The following SPART variants were observed in gnomAD, a reference collection of about 807,000 sequenced individuals.
SPART encodes spartin.
SPART carries 35 observed loss-of-function variants against 58.7 expected under a neutral mutation model. The observed-to-expected ratio is 0.60, with a 90% confidence interval of 0.46 to 0.79. The LOEUF is 0.79. SPART is among the 30% of genes least tolerant of loss of function. The pLI, the probability that SPART is intolerant of heterozygous loss-of-function variation, is 0.00. For synonymous variants in SPART, 284 were observed against 280.7 expected, an observed-to-expected ratio of 1.01 and a Z score of -0.12; for missense variants, 730 against 786.1, an observed-to-expected ratio of 0.93 and a Z score of 0.85.
At chr13:36,336,837 C>T (rs9315411) in intron 1 of SPART, among the ~76,000 whole-genome samples, 3,987 of 152,256 alleles carry the variant, frequency 0.026, 88 homozygotes, top group South Asian at 0.053. Context: ...AAATTTTAAA[C>T]CTGATTGCCT....
intron 3 of SPART, among the ~76,000 whole-genome samples, chr13:36,329,973 A>G (rs1161885577): frequency 6.6e-6 from 1 of 152,238 alleles, no homozygotes; most frequent in African/African-American, 2.4e-5. Flanking sequence ...AATGCTTAAG[A>G]GTAAAAACCA....
chr13:36,327,785 C>T (rs1187304667), intron 4 of SPART, among the ~76,000 whole-genome samples: 2 of 152,056 alleles, frequency 1.3e-5, no homozygotes, highest in African/African-American at 4.8e-5. Flanking sequence ...GTCAGGAGTT[C>T]GAGATTAGCC....
intron 1 of SPART, among the ~76,000 whole-genome samples, chr13:36,356,189 G>A (rs1355775675): frequency 6.6e-6 from 1 of 152,182 alleles, no homozygotes; most frequent in East Asian, 1.9e-4. Flanking sequence ...CCCTAGTGGT[G>A]TTGACTCAAG....
intron 2 of SPART, among the ~76,000 whole-genome samples, chr13:36,333,466 CACATATGTTA>C (rs1193437030): frequency 7.3e-6 from 1 of 136,818 alleles, no homozygotes; most frequent in Admixed American, 7.9e-5. Context: ...ATTCAGTAAA[CACATATGTTA>C]ACTCCTTTTA....
chr13:36,334,941 T>C, intron 2 of SPART, 80 bp downstream of exon 2: 1 of 1,172,586 alleles, frequency 8.5e-7, no homozygotes, highest in East Asian at 2.3e-5. Context: ...GCACTTATAC[T>C]GGACACATAA....
At position 36,340,860 on chromosome 13, in the gene SPART, T is replaced by A. The variant is rs148312207; in HGVS notation, c.-2-5028A>T. On this transcript the variant is annotated intron_variant, in intron 1 of 8. Coordinates refer to ENST00000438666, the MANE Select transcript of SPART (RefSeq NM_015087.5). The stretch of plus-strand genomic sequence containing the variant: ...TAAGGATTAACTCTAGGGAAAATGA[T>A]GTTGAGCAAGAAATAAAAAGTAATC... Among the ~76,000 whole-genome samples the A allele has an allele frequency of 4.7e-4, 71 of 152,306 alleles. No individual in the cohort carries two copies. In the Middle Eastern group the frequency reaches 0.031, roughly 66 times the overall value.
At position 36,314,457 on chromosome 13, in the gene SPART, G is replaced by A. The variant is rs757638217; in HGVS notation, c.1289-36C>T. 31 of 1,585,212 alleles carry A rather than the reference G, an allele frequency of 2.0e-5. No individual in the cohort carries two copies. The African/African-American group carries it at 4.2e-4, about 21-fold the overall frequency. The stretch of plus-strand genomic sequence containing the variant: ...GAAAATTTAAAATTGCACAATATTA[G>A]GGCTAATTATGCTTTTGAACACTTT... On this transcript the variant is annotated intron_variant, in intron 5 of 8. Coordinates refer to ENST00000438666, the MANE Select transcript of SPART (RefSeq NM_015087.5).
At position 36,335,733 on chromosome 13, in the gene SPART, G is replaced by A. The variant is rs772490654; in HGVS notation, c.98C>T (p.Thr33Ile). ...TTCTTCCTTCTGACCTAATTCATCT[G>A]TATTCAGACCTTTGTTAACAAATAA... ...AFLFVNKGLN[T>I]DELGQKEEAK... The change falls in exon 2 of 9, where the codon ACA becomes ATA. Residue 33 changes from threonine (T) to isoleucine (I), a missense_variant. Coordinates refer to ENST00000438666, the MANE Select transcript of SPART (RefSeq NM_015087.5). The A allele has an allele frequency of 5.0e-6, 8 of 1,613,886 alleles. No homozygotes were observed. Among genetic ancestry groups the A allele is most frequent in the East Asian group, 2.2e-5 (1 of 44,894 alleles).
upstream of SPART, among the ~76,000 whole-genome samples, chr13:36,347,713 C>A (rs532381259): frequency 6.6e-6 from 1 of 152,184 alleles, no homozygotes; most frequent in African/African-American, 2.4e-5. Flanking sequence ...ATTCTCACTT[C>A]CACGTTTTTG....
intron 8 of SPART, among the ~76,000 whole-genome samples, chr13:36,308,637 G>GTT (rs59878469): frequency 1.1e-4 from 16 of 142,494 alleles, no homozygotes; most frequent in African/African-American, 3.1e-4. Context: ...AGTTAGGTAA[G>GTT]TTTTTTTTTT....
rs1881230279 is a variant in SPART, at chr13:36,312,465, C to A, written c.1496G>T (p.Cys499Phe). 1 of 1,613,970 alleles carries A rather than the reference C, an allele frequency of 6.2e-7. No homozygotes were observed. Among genetic ancestry groups the A allele is most frequent in the Admixed American group, 1.7e-5 (1 of 60,004 alleles). ...TTTTCCAACGCAATTTGCTACAGTG[C>A]AAACTCCATCAACTAATATGACCAT... The part of the protein sequence containing the change: ...KVSQFLVDGV[C>F]TVANCVGKEL... Residue 499 changes from cysteine to phenylalanine, a missense_variant, in exon 7 of 9, where the codon TGC becomes TTC. Cys to Phe is a radical substitution (Grantham distance 205, BLOSUM62 -2). Transcript: ENST00000438666.
intron 1 of SPART, among the ~76,000 whole-genome samples, chr13:36,361,680 G>T (rs7334950): frequency 1.3e-5 from 2 of 152,036 alleles, no homozygotes; most frequent in African/African-American, 4.8e-5. Flanking sequence ...CTTACACCAC[G>T]CCTGGCCCCT....
In SPART at chr13:36,302,437, G is replaced by C. The variant is rs1880079664; in HGVS notation, c.*1928C>G. Reference sequence around the variant, plus strand: ...ACTATTCAACTCTCACGTTGAACTAGACAGCAGCCATAGCCAATATGTAAA... The same window carrying C: ...ACTATTCAACTCTCACGTTGAACTACACAGCAGCCATAGCCAATATGTAAA... On this transcript the variant is annotated 3_prime_UTR_variant, in exon 9 of 9. Coordinates refer to ENST00000438666, the MANE Select transcript of SPART (RefSeq NM_015087.5). 2 of 152,146 alleles carry C rather than the reference G, an allele frequency of 1.3e-5. No individual in the cohort carries two copies. The highest frequency in any genetic ancestry group is 4.8e-5 in the African/African-American group (2 of 41,438). 9.4% of individuals were successfully genotyped at this position (152,146 alleles called of 1,614,324 possible). A position where few individuals can be genotyped will look rare whatever the true frequency, so the allele number is the denominator to read the frequency against.
chr13:36,311,489 G>C (rs904491149), intron 8 of SPART, among the ~76,000 whole-genome samples: 3 of 151,978 alleles, frequency 2.0e-5, no homozygotes, highest in African/African-American at 7.3e-5. Flanking sequence ...TATTAACATG[G>C]GGTATAAGAG....
intron 1 of SPART, among the ~76,000 whole-genome samples, chr13:36,368,654 A>G (rs962435470): frequency 6.6e-6 from 1 of 152,234 alleles, no homozygotes; most frequent in African/African-American, 2.4e-5. Context: ...TAAAGCTAAC[A>G]TTAAAAATCT....
At chr13:36,328,771 A>T (rs539818171) in intron 4 of SPART, among the ~76,000 whole-genome samples, 1 of 152,306 alleles carries the variant, frequency 6.6e-6, no homozygotes, top group African/African-American at 2.4e-5. Flanking sequence ...TTTTTAAATC[A>T]AATCTCTGTC....
upstream of SPART, among the ~76,000 whole-genome samples, chr13:36,347,162 A>G (rs948678786): frequency 6.6e-6 from 1 of 151,240 alleles, no homozygotes; most frequent in Non-Finnish European, 1.5e-5. Flanking sequence ...AAAAACAGAA[A>G]AAAGAAAAAG....
intron 5 of SPART, among the ~76,000 whole-genome samples, chr13:36,325,086 G>GT (rs752818366): frequency 2.0e-5 from 3 of 152,164 alleles, no homozygotes; most frequent in Non-Finnish European, 2.9e-5. Flanking sequence ...TATACGTCAA[G>GT]TCACCGCGGA....
chr13:36,351,907 A>C (rs1254181128), intron 1 of SPART, among the ~76,000 whole-genome samples: 1 of 152,222 alleles, frequency 6.6e-6, no homozygotes, highest in Non-Finnish European at 1.5e-5. Context: ...CATAATGATG[A>C]ATATCATTAA....
Sources: gnomAD v4.1 joint callset for allele counts (sites outside exome capture counted in the v4.1 genomes callset) on GRCh38, gnomAD v4.1.1 for gene constraint, MANE v1.5 for transcripts, NCBI Gene and HGNC (gene_info 2026-07-23, HGNC 2026-07-21) for gene names.